The following PPA2 variants were observed in gnomAD, a reference collection of about 807,000 sequenced individuals.
The protein encoded by PPA2 is inorganic pyrophosphatase 2, mitochondrial.
Under a neutral mutation model 49.5 loss-of-function variants are expected in PPA2, and 48 were observed. That is an observed-to-expected ratio of 0.97 (90% CI 0.77 to 1.23). The LOEUF (loss-of-function observed/expected upper bound fraction) is 1.23. Ranked by LOEUF, PPA2 falls within the 50% of genes most tolerant of loss-of-function variation. The pLI is 0.00. For missense variants in PPA2, 429 were observed against 410.1 expected, an observed-to-expected ratio of 1.05 and a Z score of -0.40; for synonymous variants, 131 against 139.9, an observed-to-expected ratio of 0.94 and a Z score of 0.45.
rs1578871561 is a variant in PPA2 at position 105,448,015 on chromosome 4, G to A, written c.321+1335C>T. 1.2e-5 allele frequency: 4 copies of A among 322,414 alleles called. No individual in the cohort carries two copies. The East Asian group carries it at 4.7e-4, about 38-fold the overall frequency. 20.0% of individuals were successfully genotyped at this position (322,414 alleles called of 1,614,324 possible). ...CCCGCCTTGGTTTCTCAATGGGCTG[G>A]GATTACAGGTGTTAGCCACTGCACT... is the stretch of plus-strand genomic sequence containing the variant. On this transcript the variant is annotated intron_variant, in intron 4 of 11. Transcript: ENST00000341695.
chr4:105,410,321 A>T (rs560944422), intron 7 of PPA2, among the ~76,000 whole-genome samples: 569 of 152,350 alleles, frequency 3.7e-3, no homozygotes, highest in Non-Finnish European at 6.6e-3. Flanking sequence ...TCAGTGACTG[A>T]AGATCAAATT....
intron 1 of PPA2, among the ~76,000 whole-genome samples, chr4:105,465,751 C>G (rs1723275919): frequency 6.6e-6 from 1 of 152,164 alleles, no homozygotes; most frequent in Admixed American, 6.5e-5. Flanking sequence ...CTGACCACCC[C>G]CCAGCAAGAC....
At chr4:105,432,638 G>A (rs537951685) in intron 6 of PPA2, among the ~76,000 whole-genome samples, 251 of 152,318 alleles carry the variant, frequency 1.6e-3, no homozygotes, top group African/African-American at 5.3e-3. Context: ...CGCGGCCTAC[G>A]GGCAGCATGC....
intron 3 of PPA2, among the ~76,000 whole-genome samples, chr4:105,450,543 T>A (rs1408715796): frequency 6.7e-6 from 1 of 149,074 alleles, no homozygotes; most frequent in East Asian, 2.0e-4. Context: ...CGCCTGCTAA[T>A]TTTTGTATTC....
At chr4:105,422,100 T>C (rs140338918) in intron 7 of PPA2, among the ~76,000 whole-genome samples, 190 of 152,284 alleles carry the variant, frequency 1.2e-3, no homozygotes, top group African/African-American at 4.5e-3. Context: ...GTACTTTAAG[T>C]ACTAACTAAT....
intron 10 of PPA2, among the ~76,000 whole-genome samples, chr4:105,372,456 G>C (rs1409004891): frequency 6.6e-6 from 1 of 152,146 alleles, no homozygotes; most frequent in African/African-American, 2.4e-5. Flanking sequence ...CCCTATGATA[G>C]CTAATTTTAT....
chr4:105,437,834 A>G (rs922823909), intron 6 of PPA2, 116 bp downstream of exon 6: 1 of 720,518 alleles, frequency 1.4e-6, no homozygotes, highest in Non-Finnish European at 2.2e-6. Context: ...GACTGATAAC[A>G]GAGAAATCAA....
At chr4:105,387,741 C>G (rs565153240) in intron 9 of PPA2, among the ~76,000 whole-genome samples, 10 of 151,418 alleles carry the variant, frequency 6.6e-5, no homozygotes, top group Middle Eastern at 6.8e-3. Context: ...ACTCCACATC[C>G]TGCACATGTA....
At chr4:105,420,391 C>T (rs529778745) in intron 7 of PPA2, among the ~76,000 whole-genome samples, 5 of 152,274 alleles carry the variant, frequency 3.3e-5, no homozygotes, top group African/African-American at 1.2e-4. Flanking sequence ...CTGGTGCGAG[C>T]AACCATGCCG....
At chr4:105,372,994 A>G (rs140292735) in intron 10 of PPA2, among the ~76,000 whole-genome samples, 189 of 152,286 alleles carry the variant, frequency 1.2e-3, no homozygotes, top group African/African-American at 4.3e-3. Flanking sequence ...ATAAAATTAC[A>G]ATTTTTATCT....
At chr4:105,416,219 T>A (rs1197513516) in intron 7 of PPA2, among the ~76,000 whole-genome samples, 3 of 152,200 alleles carry the variant, frequency 2.0e-5, no homozygotes, top group Non-Finnish European at 4.4e-5. Flanking sequence ...CGAAAAAACA[T>A]TAAAATGCTG....
intron 9 of PPA2, among the ~76,000 whole-genome samples, chr4:105,388,706 T>C (rs1733777980): frequency 6.6e-6 from 1 of 151,822 alleles, no homozygotes; most frequent in South Asian, 2.1e-4. Context: ...ACACTTGTAA[T>C]CCCAGCTCCT....
intron 1 of PPA2, among the ~76,000 whole-genome samples, chr4:105,462,335 C>G (rs533105057): frequency 1.3e-5 from 2 of 152,324 alleles, no homozygotes; most frequent in Non-Finnish European, 2.9e-5. Flanking sequence ...TGTTTCTTAA[C>G]AGTTGAAAAC....
At chr4:105,432,335 C>T (rs748742154) in intron 6 of PPA2, among the ~76,000 whole-genome samples, 5 of 151,956 alleles carry the variant, frequency 3.3e-5, no homozygotes, top group South Asian at 2.1e-4. Context: ...TTCTTAAAAA[C>T]GTCAATCAAA....
intron 7 of PPA2, among the ~76,000 whole-genome samples, chr4:105,421,962 A>G (rs2713842): frequency 0.61 from 91,941 of 151,794 alleles, 27,862 homozygotes; most frequent in East Asian, 0.68. Context: ...AGAATCACTC[A>G]AACCTAGGAG....
intron 1 of PPA2, chr4:105,473,435 C>A: frequency 2.6e-6 from 1 of 377,446 alleles, no homozygotes; most frequent in Non-Finnish European, 5.2e-6. Context: ...CCTGCCTCTC[C>A]GACGTCAGGG....
intron 2 of PPA2, among the ~76,000 whole-genome samples, chr4:105,455,248 G>A (rs1398933115): frequency 2.6e-5 from 4 of 152,104 alleles, no homozygotes; most frequent in African/African-American, 9.7e-5. Context: ...AAAAGTGTTG[G>A]GAGACATGAG....
rs577203529 is a variant in PPA2 at position 105,440,275 on chromosome 4, T to C, written c.442-2239A>G. Among the ~76,000 whole-genome samples, 4 of 152,172 alleles carry C rather than the reference T, an allele frequency of 2.6e-5. No homozygotes were observed. The South Asian group carries it at 8.3e-4, about 32-fold the overall frequency. On this transcript the variant is annotated intron_variant, in intron 5 of 11. Coordinates refer to ENST00000341695, the MANE Select transcript of PPA2 (RefSeq NM_176869.3). ...GGAAGATCTTTTTTTCTTTCTTTTT[T>C]TTTTCAGACAGAGTCTCCCTCTGTC...
chr4:105,387,345 A>G (rs1234833140), intron 9 of PPA2, among the ~76,000 whole-genome samples: 2 of 152,160 alleles, frequency 1.3e-5, no homozygotes, highest in African/African-American at 4.8e-5. Context: ...GTGGTAGAGA[A>G]GGGAGTTAAA....
Sources: gnomAD v4.1 joint callset for allele counts (sites outside exome capture counted in the v4.1 genomes callset) on GRCh38, gnomAD v4.1.1 for gene constraint, MANE v1.5 for transcripts, NCBI Gene and HGNC (gene_info 2026-07-23, HGNC 2026-07-21) for gene names.